Variants in ANO3 observed in about 807,000 individuals in gnomAD.
ANO3 encodes anoctamin 3.
In ANO3, 99 loss-of-function variants were observed where a neutral mutation model predicts 144.8. That is an observed-to-expected ratio of 0.68 (90% CI 0.58 to 0.81). The LOEUF is 0.81. ANO3 is among the 30% of genes least tolerant of loss of function. The pLI is 0.00. For missense variants in ANO3, 905 were observed against 1,202.2 expected, an observed-to-expected ratio of 0.75 and a Z score of 3.66; for synonymous variants, 414 against 392.6, an observed-to-expected ratio of 1.05 and a Z score of -0.64.
chr11:26,256,261 A>G (rs1481767436), intron 1 of ANO3, among the ~76,000 whole-genome samples: 1 of 152,142 alleles, frequency 6.6e-6, no homozygotes, highest in Non-Finnish European at 1.5e-5. Context: ...AAATTCAAAA[A>G]AGTTATGATG....
chr11:26,212,358 T>C (rs1402235556), intron 1 of ANO3, among the ~76,000 whole-genome samples: 1 of 150,882 alleles, frequency 6.6e-6, no homozygotes, highest in Non-Finnish European at 1.5e-5. Flanking sequence ...AGCTGTTTTT[T>C]TTTCAAAGAT....
chr11:26,230,286 A>G (rs776953891), intron 1 of ANO3, among the ~76,000 whole-genome samples: 13 of 152,170 alleles, frequency 8.5e-5, no homozygotes, highest in Non-Finnish European at 1.9e-4. Context: ...ATGAAGGACT[A>G]GGGGTAAAGG....
chr11:26,219,794 C>T (rs551075932), intron 1 of ANO3, among the ~76,000 whole-genome samples: 10 of 152,216 alleles, frequency 6.6e-5, no homozygotes, highest in South Asian at 6.2e-4. Context: ...GCCTAGGATA[C>T]ATAACAAGCT....
intron 3 of ANO3, among the ~76,000 whole-genome samples, chr11:26,460,606 G>A (rs1453145708): frequency 6.6e-6 from 1 of 152,014 alleles, no homozygotes; most frequent in Non-Finnish European, 1.5e-5. Context: ...AAATGTGGTG[G>A]TATTTGGCAA....
intron 21 of ANO3, among the ~76,000 whole-genome samples, chr11:26,639,621 T>C (rs547954802): frequency 4.6e-5 from 7 of 152,302 alleles, no homozygotes; most frequent in African/African-American, 1.7e-4. Flanking sequence ...TGTTGTTTAA[T>C]AAAGACAGCC....
chr11:26,530,949 T>C (rs1416294155), intron 7 of ANO3, among the ~76,000 whole-genome samples: 1 of 152,168 alleles, frequency 6.6e-6, no homozygotes, highest in Non-Finnish European at 1.5e-5. Flanking sequence ...TGAAATCTTT[T>C]CCACAATTAT....
chr11:26,490,788 G>C (rs1022997645), intron 4 of ANO3, among the ~76,000 whole-genome samples: 2 of 152,142 alleles, frequency 1.3e-5, no homozygotes, highest in African/African-American at 4.8e-5. Flanking sequence ...GTTTAATTTG[G>C]CAAGTGTTTC....
At chr11:26,209,757 T>C (rs932704823) in intron 1 of ANO3, among the ~76,000 whole-genome samples, 2 of 152,250 alleles carry the variant, frequency 1.3e-5, no homozygotes, top group African/African-American at 2.4e-5. Flanking sequence ...ATGAGCTTTT[T>C]TTCGTGTTTG....
chr11:26,266,222 C>T (rs1368887438), intron 1 of ANO3, among the ~76,000 whole-genome samples: 4 of 152,034 alleles, frequency 2.6e-5, no homozygotes, highest in African/African-American at 7.2e-5. Flanking sequence ...ACACAGCATT[C>T]AGTTTCTCAG....
At chr11:26,240,674 T>G (rs1040119013) in intron 1 of ANO3, among the ~76,000 whole-genome samples, 4 of 152,170 alleles carry the variant, frequency 2.6e-5, no homozygotes, top group Non-Finnish European at 5.9e-5. Flanking sequence ...TAAAAAAAAT[T>G]TTGACTACCT....
At chr11:26,445,225 A>G (rs914973879) in intron 3 of ANO3, among the ~76,000 whole-genome samples, 5 of 152,208 alleles carry the variant, frequency 3.3e-5, no homozygotes, top group Admixed American at 3.3e-4. Context: ...CTGAAACTAT[A>G]TTATCAGTTA....
At chr11:26,448,377 C>T (rs1170849005) in intron 3 of ANO3, among the ~76,000 whole-genome samples, 1 of 151,724 alleles carries the variant, frequency 6.6e-6, no homozygotes, top group African/African-American at 2.4e-5. Context: ...CCCAAACACA[C>T]ATCTGTCTAA....
At chr11:26,297,516 G>T (rs1854121547) in intron 1 of ANO3, among the ~76,000 whole-genome samples, 1 of 152,164 alleles carries the variant, frequency 6.6e-6, no homozygotes, top group Non-Finnish European at 1.5e-5. Context: ...ATTTCAGACA[G>T]ATTTACTGGT....
chr11:26,341,779 G>A (rs1350408453), intron 1 of ANO3, among the ~76,000 whole-genome samples: 1 of 152,260 alleles, frequency 6.6e-6, no homozygotes, highest in Non-Finnish European at 1.5e-5. Flanking sequence ...TAAAGGCCCG[G>A]GAATCCCTGG....
At chr11:26,261,842 C>T (rs1853196833) in intron 1 of ANO3, among the ~76,000 whole-genome samples, 1 of 152,168 alleles carries the variant, frequency 6.6e-6, no homozygotes, top group South Asian at 2.1e-4. Flanking sequence ...TAGTTGTATT[C>T]TGAAACGTTT....
intron 11 of ANO3, among the ~76,000 whole-genome samples, chr11:26,545,902 CCTT>C (rs5790586): frequency 0.66 from 99,277 of 151,278 alleles, 32,858 homozygotes; most frequent in East Asian, 0.83. Flanking sequence ...GGCACCAGCT[CCTT>C]CTTCTCCTGA....
chr11:26,276,658 C>T (rs1219907688), intron 1 of ANO3, among the ~76,000 whole-genome samples: 7 of 152,172 alleles, frequency 4.6e-5, no homozygotes, highest in Admixed American at 6.6e-5. Context: ...TAGGAATACA[C>T]TAGGTTAGAC....
intron 1 of ANO3, among the ~76,000 whole-genome samples, chr11:26,334,887 T>G (rs1444167899): frequency 2.0e-5 from 3 of 152,214 alleles, no homozygotes; most frequent in African/African-American, 7.2e-5. Flanking sequence ...TCACCCTTGT[T>G]ATATTATTTT....
intron 1 of ANO3, among the ~76,000 whole-genome samples, chr11:26,429,388 G>A (rs1858013088): frequency 6.6e-6 from 1 of 150,458 alleles, no homozygotes; most frequent in Non-Finnish European, 1.5e-5. Context: ...GGGGAGATAA[G>A]GACATTATAA....
Sources: allele counts gnomAD v4.1 joint callset (sites outside exome capture counted in the v4.1 genomes callset), GRCh38; gene constraint gnomAD v4.1.1; transcripts MANE v1.5; gene names NCBI Gene and HGNC (gene_info 2026-07-23, HGNC 2026-07-21).